ALDH1A2: variants seen among roughly 807,000 people sequenced by gnomAD.
ALDH1A2 encodes the protein aldehyde dehydrogenase 1 family member A2, also known as retinal dehydrogenase 2.
A neutral mutation model predicts 60.3 loss-of-function variants in ALDH1A2; 27 were observed. That is an observed-to-expected ratio of 0.45 (90% CI 0.33 to 0.62). ALDH1A2 has a LOEUF of 0.62. ALDH1A2 is among the 20% of genes least tolerant of loss of function. The probability of loss-of-function intolerance (pLI) is 0.02; values close to 1 mark genes in which losing one functional copy is unlikely to be tolerated. For synonymous variants in ALDH1A2, 289 were observed against 232.4 expected, an observed-to-expected ratio of 1.24 and a Z score of -2.21; for missense variants, 581 against 643.8, an observed-to-expected ratio of 0.90 and a Z score of 1.06.
intron 1 of ALDH1A2, among the ~76,000 whole-genome samples, chr15:58,060,691 TTA>T (rs1248006951): frequency 1.3e-5 from 2 of 152,144 alleles, no homozygotes; most frequent in African/African-American, 4.8e-5. Flanking sequence ...GGCTCTGCCA[TTA>T]TAGTCAGAAA....
chr15:58,065,558 G>A lies in ALDH1A2; in HGVS notation c.93C>T (p.Pro31=). The A allele has an allele frequency of 1.9e-6, 3 of 1,613,674 alleles. No homozygotes were observed. The highest frequency in any genetic ancestry group is 2.5e-6 in the Non-Finnish European group (3 of 1,179,706). The change falls in exon 1 of 13, where the codon CCC becomes CCT. Residue 31 remains proline, a synonymous_variant. Transcript: ENST00000249750. ...CCTTGGTGTACTTAATTTCGAGATT[G>A]GGCGTGGGCGACGGCAGGAGGTGCA... The part of the protein sequence containing the change: ...ASLHLLPSPT[P]NLEIKYTKIF...
At chr15:58,039,964 T>C (rs1896477550) in intron 1 of ALDH1A2, among the ~76,000 whole-genome samples, 1 of 151,880 alleles carries the variant, frequency 6.6e-6, no homozygotes, top group South Asian at 2.1e-4. Context: ...ATCAGCCCCC[T>C]GCCCTTGAAA....
intron 7 of ALDH1A2, among the ~76,000 whole-genome samples, chr15:57,984,931 T>A (rs1894645666): frequency 6.6e-6 from 1 of 152,248 alleles, no homozygotes; most frequent in Non-Finnish European, 1.5e-5. Context: ...TTGATTTTTT[T>A]ACATATATAA....
At chr15:58,051,106 A>C (rs1008283577) in intron 1 of ALDH1A2, among the ~76,000 whole-genome samples, 40 of 152,260 alleles carry the variant, frequency 2.6e-4, no homozygotes, top group African/African-American at 9.6e-4. Flanking sequence ...GTCAAATGAA[A>C]AGGTTTGCAC....
At chr15:58,000,463 G>C (rs1221331287) in intron 4 of ALDH1A2, among the ~76,000 whole-genome samples, 1 of 151,914 alleles carries the variant, frequency 6.6e-6, no homozygotes, top group South Asian at 2.1e-4. Flanking sequence ...CCATTTCCAA[G>C]TATCATTTGC....
intron 9 of ALDH1A2, 73 bp downstream of exon 9, chr15:57,963,812 C>T (rs1893805962): frequency 1.3e-6 from 2 of 1,511,074 alleles, no homozygotes; most frequent in Non-Finnish European, 1.8e-6. Flanking sequence ...TTTGCTGGGA[C>T]CTACTACAGT....
At chr15:58,050,221 G>A (rs1443954781) in intron 1 of ALDH1A2, among the ~76,000 whole-genome samples, 1 of 151,704 alleles carries the variant, frequency 6.6e-6, no homozygotes, top group African/African-American at 2.4e-5. Context: ...TTTCTACTGT[G>A]CTCTTCATTA....
At chr15:57,967,108 C>T (rs967309879) in intron 7 of ALDH1A2, among the ~76,000 whole-genome samples, 1 of 151,866 alleles carries the variant, frequency 6.6e-6, no homozygotes, top group Admixed American at 6.6e-5. Flanking sequence ...GTGGGACTAA[C>T]GACTTCGCAG....
chr15:57,966,016 A>G (rs1342157255), intron 7 of ALDH1A2, among the ~76,000 whole-genome samples, 189 bp from the exon 8 acceptor site: 12 of 152,236 alleles, frequency 7.9e-5, no homozygotes, highest in African/African-American at 2.7e-4. Flanking sequence ...TCCATGCTGG[A>G]GTGAACTGGA....
chr15:58,027,547 G>C (rs148363841), intron 1 of ALDH1A2, among the ~76,000 whole-genome samples: 1 of 152,130 alleles, frequency 6.6e-6, no homozygotes, highest in Non-Finnish European at 1.5e-5. Context: ...CTGTGAATGA[G>C]TTTGATGAGT....
intron 1 of ALDH1A2, among the ~76,000 whole-genome samples, chr15:58,062,619 G>A (rs1302252458): frequency 6.6e-6 from 1 of 152,122 alleles, no homozygotes; most frequent in Non-Finnish European, 1.5e-5. Context: ...AAAGGAGAGC[G>A]CATTCTCTTG....
intron 12 of ALDH1A2, among the ~76,000 whole-genome samples, chr15:57,956,449 A>G (rs530377853): frequency 3.3e-4 from 50 of 152,298 alleles, no homozygotes; most frequent in Middle Eastern, 6.8e-3. Context: ...TCCTTTTAGG[A>G]GCCCCCATGG....
At chr15:58,064,015 TTC>T (rs1897108728) in intron 1 of ALDH1A2, among the ~76,000 whole-genome samples, 6 of 152,186 alleles carry the variant, frequency 3.9e-5, no homozygotes, top group Non-Finnish European at 4.4e-5. Context: ...TACCTAAAAT[TTC>T]TTTCAGAGGC....
intron 1 of ALDH1A2, among the ~76,000 whole-genome samples, chr15:58,047,180 T>G (rs1172614664): frequency 1.3e-5 from 2 of 152,076 alleles, no homozygotes; most frequent in African/African-American, 4.8e-5. Flanking sequence ...AATAATTTCC[T>G]ATCCTCAGTG....
intron 7 of ALDH1A2, among the ~76,000 whole-genome samples, chr15:57,977,573 A>T (rs149611198): frequency 6.6e-6 from 1 of 152,118 alleles, no homozygotes; most frequent in Non-Finnish European, 1.5e-5. Flanking sequence ...TGGTCTATGT[A>T]TATCTGTGTT....
chr15:58,004,327 C>T (rs1895373720), intron 4 of ALDH1A2, among the ~76,000 whole-genome samples: 1 of 151,810 alleles, frequency 6.6e-6, no homozygotes, highest in Non-Finnish European at 1.5e-5. Flanking sequence ...TTCTAAAATG[C>T]AATTTTTCAA....
rs541478997 is a variant in ALDH1A2 at position 58,021,647 on chromosome 15, G to C, written c.118-7366C>G. 5.0e-4 allele frequency among the ~76,000 whole-genome samples: 76 copies of C among 152,312 alleles called. 3 individuals are homozygous for C. The South Asian group carries it at 0.014, about 28-fold the overall frequency. On this transcript the variant is annotated intron_variant, in intron 1 of 12. Coordinates refer to ENST00000249750, the MANE Select transcript of ALDH1A2 (RefSeq NM_003888.4). Reference sequence around the variant, plus strand: ...CTGAGACCTAAGCAGCTACAGCAAGGCATCATTTCCAAACCTAGCCTTTGA... The same window carrying C: ...CTGAGACCTAAGCAGCTACAGCAAGCCATCATTTCCAAACCTAGCCTTTGA...
In ALDH1A2 at chr15:58,065,674, C is replaced by G; in HGVS notation, c.-24G>C. ...ATGGTGGCGGGCCGGGTGTCCCTAGCCCGCGGCGTGGGGCAGTGCGGGCTG... is the reference window on the plus strand; with the variant it reads ...ATGGTGGCGGGCCGGGTGTCCCTAGGCCGCGGCGTGGGGCAGTGCGGGCTG... On this transcript the variant is annotated 5_prime_UTR_variant, in exon 1 of 13. Coordinates refer to ENST00000249750, the MANE Select transcript of ALDH1A2 (RefSeq NM_003888.4). 1.3e-6 allele frequency: 2 copies of G among 1,537,324 alleles called. No individual in the cohort carries two copies. Among genetic ancestry groups the G allele is most frequent in the South Asian group, 2.4e-5 (2 of 82,200 alleles).
chr15:58,028,882 G>A (rs1474731834), intron 1 of ALDH1A2, among the ~76,000 whole-genome samples: 2 of 152,122 alleles, frequency 1.3e-5, no homozygotes, highest in African/African-American at 4.8e-5. Context: ...CAATACAGGA[G>A]CACCCAGACT....
Sources: gnomAD v4.1 joint callset for allele counts (sites outside exome capture counted in the v4.1 genomes callset) on GRCh38, gnomAD v4.1.1 for gene constraint, MANE v1.5 for transcripts, NCBI Gene and HGNC (gene_info 2026-07-23, HGNC 2026-07-21) for gene names.